Variants in LRRC24 observed in about 807,000 individuals in gnomAD.
LRRC24 encodes the protein leucine rich repeat containing 24, also known as leucine-rich repeat-containing protein 24.
A neutral mutation model predicts 15.3 loss-of-function variants in LRRC24; 19 were observed. The observed-to-expected ratio is 1.25, with a 90% confidence interval of 0.87 to 1.83. LRRC24 has a LOEUF of 1.83. Among genes scored for constraint, LRRC24 ranks in the 40% most tolerant of loss-of-function variants. LRRC24 has a pLI of 0.00. For missense variants in LRRC24, 914 were observed against 723.9 expected, an observed-to-expected ratio of 1.26 and a Z score of -3.01; for synonymous variants, 469 against 359.6, an observed-to-expected ratio of 1.30 and a Z score of -3.44.
chr8:144,524,764 C>G, intron 2 of LRRC24, 45 bp from the exon 3 acceptor site: 1 of 1,433,492 alleles, frequency 7.0e-7, no homozygotes, highest in Non-Finnish European at 9.1e-7. Context: ...TTGCGGGGGT[C>G]TTCCTCTCCC....
Position 144,523,031 on chromosome 8 carries a change from A to C in LRRC24, c.986T>G (p.Met329Arg). 6.2e-7 allele frequency: 1 copy of C among 1,601,084 alleles called. No homozygotes were observed. The highest frequency in any genetic ancestry group is 1.3e-5 in the African/African-American group (1 of 74,710). The change falls in exon 5 of 5, where the codon ATG (methionine) becomes AGG (arginine). Residue 329 changes from methionine (M) to arginine (R), a missense_variant. Transcript: ENST00000529415. Reference sequence around the variant, plus strand: ...CAGCGTGATGTTGCTGAGGAAGAGCATGCCGCTGCCCGTGTCGGATGCCGA... The same window carrying C: ...CAGCGTGATGTTGCTGAGGAAGAGCCTGCCGCTGCCCGTGTCGGATGCCGA... ...GHSASDTGSG[M>R]LFLSNITLAH...
rs763094376 is a variant in LRRC24 at position 144,522,518 on chromosome 8, C to A, written c.1499G>T (p.Gly500Val). ...DCGPEQGAGP[G>V]LRVPPPVAYE... ...GGCGACCGGCGGGGGCACGCGGAGT[C>A]CCGGCCCCGCCCCCTGTTCCGGGCC... The change falls in exon 5 of 5, where the codon GGA (glycine) becomes GTA (valine). Residue 500 changes from glycine to valine, a missense_variant. Coordinates refer to ENST00000529415, the MANE Select transcript of LRRC24 (RefSeq NM_001024678.4). 6.6e-7 allele frequency: 1 copy of A among 1,507,666 alleles called. No individual in the cohort carries two copies. Among genetic ancestry groups the A allele is most frequent in the Non-Finnish European group, 8.8e-7 (1 of 1,132,086 alleles). The allele number at this position is 1,507,666 out of a possible 1,614,324, so 93.4% of individuals were successfully genotyped here. A position where few individuals can be genotyped will look rare whatever the true frequency, so the allele number is the denominator to read the frequency against.
rs1378814634 is a variant in LRRC24 at position 144,522,695 on chromosome 8, T to C, written c.1322A>G (p.Glu441Gly). 1.3e-6 allele frequency: 2 copies of C among 1,595,622 alleles called. No individual in the cohort carries two copies. The highest frequency in any genetic ancestry group is 1.1e-5 in the South Asian group (1 of 88,688). The change falls in exon 5 of 5, where the codon GAG (glutamate) becomes GGG (glycine). Residue 441 changes from glutamate to glycine, a missense_variant. Glu to Gly is a moderately conservative substitution (Grantham distance 98, BLOSUM62 -2). Coordinates refer to ENST00000529415, the MANE Select transcript of LRRC24 (RefSeq NM_001024678.4). ...GTAGTCGTTGACGAACAGCGCTCCC[T>C]CCCCCGGAGGCCCCCGCGCCTTTTT... is the stretch of plus-strand genomic sequence containing the variant. ...RRKKARGPPGEGALFVNDYLD... is the reference protein window; with the variant it reads ...RRKKARGPPGGGALFVNDYLD...
Position 144,524,228 on chromosome 8 carries a change from G to C in LRRC24, c.489C>G (p.Asp163Glu). Residue 163 changes from aspartate (D) to glutamate (E), a missense_variant, in exon 4 of 5, where the codon GAC becomes GAG. By Grantham distance (45) the Asp-to-Glu change is conservative. Coordinates refer to ENST00000529415, the MANE Select transcript of LRRC24 (RefSeq NM_001024678.4). The stretch of plus-strand genomic sequence containing the variant: ...GGGAGGACAGCCCCGCTAGAGCCTG[G>C]TCCTCCAGCAGCTCAATGCTGTTTT... ...LQENSIELLE[D>E]QALAGLSSLA... 1 of 1,612,658 alleles carries C rather than the reference G, an allele frequency of 6.2e-7. No individual in the cohort carries two copies. Among genetic ancestry groups the C allele is most frequent in the Non-Finnish European group, 8.5e-7 (1 of 1,179,958 alleles).
chr8:144,524,767 C>T (rs1157981714), intron 2 of LRRC24, 48 bp from the exon 3 acceptor site: 17 of 1,433,836 alleles, frequency 1.2e-5, no homozygotes, highest in Non-Finnish European at 7.3e-6. Context: ...CGGGGGTCTT[C>T]CTCTCCCTGG....
At position 144,523,328 on chromosome 8, in the gene LRRC24, C is replaced by G. The variant is rs1446150581; in HGVS notation, c.689G>C (p.Arg230Thr). Residue 230 changes from arginine to threonine, a missense_variant, in exon 5 of 5, where the codon AGG (arginine) becomes ACG (threonine). Physicochemically the swap from Arg to Thr is moderately conservative, Grantham distance 71. Transcript: ENST00000529415. The stretch of plus-strand genomic sequence containing the variant: ...CTCTGCACACATGATCTTCCTGTCC[C>G]TGGAGGTGAGCAGCCGCTGGCCGCC... The part of the protein sequence containing the change: ...KEGGQRLLTS[R>T]DRKIMCAEPP... 3 of 1,598,046 alleles carry G rather than the reference C, an allele frequency of 1.9e-6. No individual in the cohort carries two copies.
intron 1 of LRRC24, 200 bp from the exon 2 acceptor site, chr8:144,525,233 C>T (rs1816320895): frequency 2.8e-6 from 1 of 354,440 alleles, no homozygotes; most frequent in East Asian, 4.5e-5. Context: ...CTGGTGTCCT[C>T]AGTGTCTTCA....
chr8:144,523,890 A>G (rs1440267287), intron 4 of LRRC24: 1 of 596,096 alleles, frequency 1.7e-6, no homozygotes, highest in Non-Finnish European at 2.9e-6. Flanking sequence ...CTGTTAAGTC[A>G]CCCTGTGGAG....
chr8:144,524,956 CG>C lies in LRRC24; in HGVS notation c.18del (p.Ala7HisfsTer59). On this transcript the variant is annotated frameshift_variant, in exon 2 of 5. Coordinates refer to ENST00000529415, the MANE Select transcript of LRRC24 (RefSeq NM_001024678.4). LOFTEE classifies it high-confidence loss of function. Reference protein sequence around the residue: MALRAPALLPLLLLLL... With the variant: MALRAXALLPLLLLLL... ...AGTAGCAGCAGCAGCGGCAGCAGTG[CG>C]GGGGCCCTCAGGGCCATCTCCCGAG... 2.7e-6 allele frequency: 4 copies of C among 1,485,778 alleles called. No homozygotes were observed. The highest frequency in any genetic ancestry group is 1.3e-5 in the South Asian group (1 of 79,630). The allele number at this position is 1,485,778 out of a possible 1,614,324, so 92.0% of individuals were successfully genotyped here.
chr8:144,526,919 C>G (rs1564826824), intron 1 of LRRC24, 41 bp downstream of exon 1: 1 of 152,252 alleles, frequency 6.6e-6, no homozygotes, highest in Non-Finnish European at 1.5e-5. Flanking sequence ...GATCCCCCAG[C>G]GCCCCCACGC....
chr8:144,522,432 C>A lies in LRRC24; in HGVS notation c.*43G>T. The A allele has an allele frequency of 2.2e-6, 3 of 1,384,792 alleles. No homozygotes were observed. The highest frequency in any genetic ancestry group is 2.8e-6 in the Non-Finnish European group (3 of 1,077,684). The allele number at this position is 1,384,792 out of a possible 1,614,324, so 85.8% of individuals were successfully genotyped here. A position where few individuals can be genotyped will look rare whatever the true frequency, so the allele number is the denominator to read the frequency against. ...CTGACGGAGCATGCGCGAGGCCGCA[C>A]CGGCCAATCTCCGGCGCCCACGTCA... On this transcript the variant is annotated 3_prime_UTR_variant, in exon 5 of 5. Transcript: ENST00000529415.
rs975478616 is a variant in LRRC24, at chr8:144,522,538, C to A, written c.1479G>T (p.Pro493=). 5.2e-6 allele frequency: 8 copies of A among 1,523,972 alleles called. No homozygotes were observed. The highest frequency in any genetic ancestry group is 2.7e-5 in the East Asian group (1 of 37,496). The allele number at this position is 1,523,972 out of a possible 1,614,324, so 94.4% of individuals were successfully genotyped here. A position where few individuals can be genotyped will look rare whatever the true frequency, so the allele number is the denominator to read the frequency against. ...GGAGTCCCGGCCCCGCCCCCTGTTC[C>A]GGGCCGCAGTCAGCGGGCGCCTCCG... ...GPAEAPADCG[P]EQGAGPGLRV... is the part of the protein sequence containing the mutation. The change falls in exon 5 of 5, where the codon CCG becomes CCT. Residue 493 remains proline, a synonymous_variant. Coordinates refer to ENST00000529415, the MANE Select transcript of LRRC24 (RefSeq NM_001024678.4).
In LRRC24 at chr8:144,522,810, TGGCCACGCCCAG is replaced by T; in HGVS notation, c.1195_1206del (p.Leu399_Ala402del). ...ATGGCCGCCGCAATGGCCGTCTGTG[TGGCCACGCCCAG>T]GGCGCGGAAGGCCATGCTGCCCGCC... On this transcript the variant is annotated inframe_deletion, in exon 5 of 5. Coordinates refer to ENST00000529415, the MANE Select transcript of LRRC24 (RefSeq NM_001024678.4). The T allele has an allele frequency of 6.6e-7, 1 of 1,522,532 alleles. No homozygotes were observed. The highest frequency in any genetic ancestry group is 8.8e-7 in the Non-Finnish European group (1 of 1,139,638). 94.3% of individuals were successfully genotyped at this position (1,522,532 alleles called of 1,614,324 possible). A position where few individuals can be genotyped will look rare whatever the true frequency, so the allele number is the denominator to read the frequency against.
rs200123953 is a variant in LRRC24, at chr8:144,524,544, C to A, written c.335G>T (p.Gly112Val). 1.9e-6 allele frequency: 3 copies of A among 1,582,262 alleles called. No individual in the cohort carries two copies. The highest frequency in any genetic ancestry group is 3.5e-5 in the Admixed American group (2 of 57,060). ...GCCTACGAAGGCGCCGCTGCGCAAG[C>A]CGCGCAGCCGGTTGCTAGTGAGCGC... is the stretch of plus-strand genomic sequence containing the variant. Reference protein sequence around the residue: ...ELALTSNRLRGLRSGAFVGLA... With the variant: ...ELALTSNRLRVLRSGAFVGLA... Residue 112 changes from glycine (G) to valine (V), a missense_variant, in exon 3 of 5, where the codon GGC becomes GTC. Physicochemically the swap from Gly to Val is moderately radical, Grantham distance 109 (BLOSUM62 -3). Coordinates refer to ENST00000529415, the MANE Select transcript of LRRC24 (RefSeq NM_001024678.4).
At position 144,523,299 on chromosome 8, in the gene LRRC24, G is replaced by A; in HGVS notation, c.718C>T (p.Pro240Ser). ...RDRKIMCAEP[P>S]RLALQSLLDV... ...AGGAGACTCTGGAGCGCCAGGCGCG[G>A]GGGCTCTGCACACATGATCTTCCTG... is the stretch of plus-strand genomic sequence containing the variant. The change falls in exon 5 of 5, where the codon CCG becomes TCG. Residue 240 changes from proline to serine, a missense_variant. Physicochemically the swap from Pro to Ser is moderately conservative, Grantham distance 74. Coordinates refer to ENST00000529415, the MANE Select transcript of LRRC24 (RefSeq NM_001024678.4). 6.2e-7 allele frequency: 1 copy of A among 1,611,084 alleles called. No individual in the cohort carries two copies. Among genetic ancestry groups the A allele is most frequent in the Non-Finnish European group, 8.5e-7 (1 of 1,179,270 alleles).
intron 1 of LRRC24, among the ~76,000 whole-genome samples, chr8:144,525,574 C>T (rs1381394225): frequency 6.6e-6 from 1 of 152,166 alleles, no homozygotes; most frequent in East Asian, 1.9e-4. Flanking sequence ...AGCTACGAGC[C>T]CCAGGGAAGT....
rs773735464 is a variant in LRRC24, at chr8:144,522,608, A to G, written c.1409T>C (p.Met470Thr). The G allele has an allele frequency of 2.4e-5, 37 of 1,570,172 alleles. No homozygotes were observed. The highest frequency in any genetic ancestry group is 3.1e-5 in the Non-Finnish European group (36 of 1,160,758). ...CGGCTTGGAGCGGTTGATGACGAAC[A>G]TCTCGTGGCCGCGCTCGTCGCGGAG... ...EELRDERGHE[M>T]FVINRSKPLF... Residue 470 changes from methionine to threonine, a missense_variant, in exon 5 of 5, where the codon ATG becomes ACG. Met to Thr is a moderately conservative substitution (Grantham distance 81). Coordinates refer to ENST00000529415, the MANE Select transcript of LRRC24 (RefSeq NM_001024678.4).
Position 144,522,446 on chromosome 8 carries a change from G to A in LRRC24, c.*29C>T, listed in dbSNP as rs900453289. 42 of 1,392,014 alleles carry A rather than the reference G, an allele frequency of 3.0e-5. No homozygotes were observed. The highest frequency in any genetic ancestry group is 3.8e-5 in the Non-Finnish European group (41 of 1,081,920). 86.2% of individuals were successfully genotyped at this position (1,392,014 alleles called of 1,614,324 possible). On this transcript the variant is annotated 3_prime_UTR_variant, in exon 5 of 5. Coordinates refer to ENST00000529415, the MANE Select transcript of LRRC24 (RefSeq NM_001024678.4). ...GCGAGGCCGCACCGGCCAATCTCCG[G>A]CGCCCACGTCATCCGCGCGCCCGCG... is the stretch of plus-strand genomic sequence containing the variant.
Position 144,523,065 on chromosome 8 carries a change from C to T in LRRC24, c.952G>A (p.Gly318Ser), listed in dbSNP as rs200720252. 15 of 1,606,702 alleles carry T rather than the reference C, an allele frequency of 9.3e-6. No individual in the cohort carries two copies. The highest frequency in any genetic ancestry group is 1.6e-4 in the Middle Eastern group (1 of 6,064). The change falls in exon 5 of 5, where the codon GGC becomes AGC. Residue 318 changes from glycine to serine, a missense_variant. Physicochemically the swap from Gly to Ser is moderately conservative, Grantham distance 56. Coordinates refer to ENST00000529415, the MANE Select transcript of LRRC24 (RefSeq NM_001024678.4). ...AQLEGGLLGLGGHSASDTGSG... is the reference protein window; with the variant it reads ...AQLEGGLLGLSGHSASDTGSG... ...CCCGTGTCGGATGCCGAGTGTCCGC[C>T]CAGGCCCAGCAACCCGCCTTCTAGC...
Sources: gnomAD v4.1 joint callset for allele counts (sites outside exome capture counted in the v4.1 genomes callset) on GRCh38, gnomAD v4.1.1 for gene constraint, MANE v1.5 for transcripts, NCBI Gene and HGNC (gene_info 2026-07-23, HGNC 2026-07-21) for gene names.